FBN3: variants seen among roughly 807,000 people sequenced by gnomAD.
The protein encoded by FBN3 is fibrillin 3.
A neutral mutation model predicts 330.1 loss-of-function variants in FBN3; 234 were observed. The ratio of observed to expected loss-of-function variants is 0.71; its 90% CI spans 0.64 to 0.79. The LOEUF (loss-of-function observed/expected upper bound fraction) is 0.79. Ranked by LOEUF, FBN3 falls within the 30% of genes least tolerant of loss-of-function variation. The pLI is 0.00. For missense variants in FBN3, 3,606 were observed against 3,886.9 expected, an observed-to-expected ratio of 0.93 and a Z score of 1.92; for synonymous variants, 1,458 against 1,517.3, an observed-to-expected ratio of 0.96 and a Z score of 0.91.
intron 54 of FBN3, among the ~76,000 whole-genome samples, chr19:8,086,812 C>T (rs538726695): frequency 3.7e-4 from 56 of 150,862 alleles, no homozygotes; most frequent in Admixed American, 4.6e-4. Flanking sequence ...CTCACTCTGT[C>T]GTCCAGGCTG....
chr19:8,113,437 A>T (rs867474146), intron 30 of FBN3, among the ~76,000 whole-genome samples: 4 of 152,052 alleles, frequency 2.6e-5, no homozygotes, highest in South Asian at 4.1e-4. Flanking sequence ...GCTATTTTTT[A>T]AAATTTTTAT....
chr19:8,106,293 C>A, intron 37 of FBN3, 60 bp from the exon 38 acceptor site: 1 of 1,592,534 alleles, frequency 6.3e-7, no homozygotes, highest in Non-Finnish European at 8.6e-7. Context: ...ACTTAAGGGG[C>A]ACCCACACCA....
chr19:8,106,569 G>A (rs1183834897), intron 37 of FBN3, among the ~76,000 whole-genome samples: 1 of 152,226 alleles, frequency 6.6e-6, no homozygotes, highest in East Asian at 1.9e-4. Flanking sequence ...ATGGATGGGA[G>A]GATGGATGAA....
Position 8,133,108 on chromosome 19 carries a change from TG to T in FBN3, c.1592-3del. 1.3e-6 allele frequency: 2 copies of T among 1,571,172 alleles called. No homozygotes were observed. The highest frequency in any genetic ancestry group is 1.2e-5 in the South Asian group (1 of 85,652). On this transcript the variant is annotated splice_region_variant and splice_polypyrimidine_tract_variant and intron_variant, in intron 13 of 63. Coordinates refer to ENST00000600128, the MANE Select transcript of FBN3 (RefSeq NM_032447.5). Reference sequence around the variant, plus strand: ...TGCTGGTGGCACACTCGTTGTGGTCTGGGGACAACAGCAGAGGCTGGGTCCA... The same window carrying T: ...TGCTGGTGGCACACTCGTTGTGGTCTGGGACAACAGCAGAGGCTGGGTCCA...
Position 8,095,441 on chromosome 19 carries a change from C to T in FBN3, c.5719G>A (p.Ala1907Thr). 6.2e-7 allele frequency: 1 copy of T among 1,613,750 alleles called. No homozygotes were observed. The highest frequency in any genetic ancestry group is 8.5e-7 in the Non-Finnish European group (1 of 1,179,784). The change falls in exon 46 of 64, where the codon GCT becomes ACT. Residue 1907 changes from alanine (A) to threonine (T), a missense_variant. By Grantham distance (58) the Ala-to-Thr change is moderately conservative (BLOSUM62 0). Coordinates refer to ENST00000600128, the MANE Select transcript of FBN3 (RefSeq NM_032447.5). ...VCRFGHCLNT[A>T]GSFHCLCQDG... is the part of the protein sequence containing the mutation. ...TGGCAGAGGCAGTGGAAGGAACCAG[C>T]TGTGTTGAGGCAATGGCCAAATCGG...
chr19:8,084,489 T>G (rs1009494653), intron 56 of FBN3, among the ~76,000 whole-genome samples: 3 of 151,752 alleles, frequency 2.0e-5, no homozygotes, highest in East Asian at 2.0e-4. Context: ...CTGGCCAGCA[T>G]GGCAAAACCT....
intron 59 of FBN3, among the ~76,000 whole-genome samples, chr19:8,079,745 A>G (rs2081731375): frequency 6.6e-6 from 1 of 151,900 alleles, no homozygotes; most frequent in Non-Finnish European, 1.5e-5. Context: ...CGCCACCACC[A>G]CACCCGGCTA....
intron 42 of FBN3, 85 bp downstream of exon 42, chr19:8,097,204 G>C (rs2082229530): frequency 2.0e-6 from 3 of 1,527,470 alleles, no homozygotes; most frequent in East Asian, 2.4e-5. Flanking sequence ...GAGGCTTACA[G>C]AGTTTTAGTT....
rs753370609 is a variant in FBN3, at chr19:8,123,937, G to A, written c.2803C>T (p.Arg935Trp). The A allele has an allele frequency of 1.2e-5, 20 of 1,614,112 alleles. No homozygotes were observed. The highest frequency in any genetic ancestry group is 2.7e-5 in the African/African-American group (2 of 75,046). ...ECGVTLPGKY[R>W]MDVCCCSIGA... ...ATGGAGCAGCAGCAGACGTCCATCC[G>A]GTACTTGCCAGGCAGGGTGACCCCA... is the stretch of plus-strand genomic sequence containing the variant. Residue 935 changes from arginine to tryptophan, a missense_variant, in exon 23 of 64, where the codon CGG (arginine) becomes TGG (tryptophan). By Grantham distance (101) the Arg-to-Trp change is moderately radical (BLOSUM62 -3). Transcript: ENST00000600128.
intron 63 of FBN3, among the ~76,000 whole-genome samples, chr19:8,071,467 C>A (rs1485948509): frequency 6.6e-6 from 1 of 152,184 alleles, no homozygotes; most frequent in East Asian, 1.9e-4. Flanking sequence ...CTGCTGGGGT[C>A]CCCAGAGAAA....
At chr19:8,112,223 A>G (rs2082605847) in intron 30 of FBN3, 124 bp from the exon 31 acceptor site, 9 of 1,001,068 alleles carry the variant, frequency 9.0e-6, no homozygotes, top group African/African-American at 1.6e-5. Context: ...GCCTCCTCCC[A>G]TTCACCTGGG....
In FBN3 at chr19:8,096,534, T is replaced by C; in HGVS notation, c.5449A>G (p.Ser1817Gly). ...TCTGTGTCCATGCAGTCACCATGGC[T>C]ACAGACATTCGGGATCTCCCGACAC... ...NECREIPNVC[S>G]HGDCMDTEGS... The change falls in exon 44 of 64, where the codon AGC (serine) becomes GGC (glycine). Residue 1817 changes from serine (S) to glycine (G), a missense_variant. Coordinates refer to ENST00000600128, the MANE Select transcript of FBN3 (RefSeq NM_032447.5). The surrounding 1 kb of genome is among the most constrained non-coding windows in gnomAD (Gnocchi z 4.6). 3 of 1,613,772 alleles carry C rather than the reference T, an allele frequency of 1.9e-6. No individual in the cohort carries two copies. Among genetic ancestry groups the C allele is most frequent in the Non-Finnish European group, 2.5e-6 (3 of 1,179,920 alleles).
Position 8,089,974 on chromosome 19 carries a change from G to C in FBN3, c.6185-15C>G. ...CTGAAAGGCAGCTGGACGGAGAGGG[G>C]GAGGGGAGTCAGAGTCAGGGCCTAG... On this transcript the variant is annotated splice_polypyrimidine_tract_variant and intron_variant, in intron 49 of 63. Transcript: ENST00000600128. 6.2e-7 allele frequency: 1 copy of C among 1,608,616 alleles called. No individual in the cohort carries two copies. Among genetic ancestry groups the C allele is most frequent in the Non-Finnish European group, 8.5e-7 (1 of 1,178,718 alleles).
In FBN3 at chr19:8,073,312, G is replaced by C; in HGVS notation, c.7703-15C>G. ...CTCATTCTCATCTGTGGGAGGAAAG[G>C]AGGAGGAGAGGGAGGACGCAGAGGT... On this transcript the variant is annotated splice_polypyrimidine_tract_variant and intron_variant, in intron 61 of 63. Transcript: ENST00000600128. 1.9e-6 allele frequency: 3 copies of C among 1,603,806 alleles called. No individual in the cohort carries two copies. The highest frequency in any genetic ancestry group is 2.6e-6 in the Non-Finnish European group (3 of 1,172,144).
intron 42 of FBN3, 34 bp downstream of exon 42, chr19:8,097,255 A>G (rs1480367571): frequency 6.3e-7 from 1 of 1,586,298 alleles, no homozygotes; most frequent in Non-Finnish European, 8.6e-7. Flanking sequence ...CATCCCACCC[A>G]GGCCCCAGGG....
chr19:8,137,600 G>A (rs1006982241), intron 10 of FBN3, among the ~76,000 whole-genome samples: 8 of 131,584 alleles, frequency 6.1e-5, no homozygotes, highest in East Asian at 4.8e-4. Flanking sequence ...CCCAAAGCCC[G>A]AACTCTGACT....
rs764445618 is a variant in FBN3 at position 8,111,043 on chromosome 19, C to A, written c.4210+15G>T. 5.0e-6 allele frequency: 8 copies of A among 1,613,118 alleles called. No homozygotes were observed. Among genetic ancestry groups the A allele is most frequent in the East Asian group, 4.5e-5 (2 of 44,870 alleles). ...CTACCCACTCTGTCCTCTGCCCTGG[C>A]GGGCCCAACCTTACCCTGGCAGGCC... On this transcript the variant is annotated intron_variant, in intron 33 of 63. Coordinates refer to ENST00000600128, the MANE Select transcript of FBN3 (RefSeq NM_032447.5).
intron 18 of FBN3, among the ~76,000 whole-genome samples, chr19:8,128,782 T>A (rs1184396843): frequency 1.3e-5 from 2 of 152,136 alleles, no homozygotes; most frequent in Non-Finnish European, 2.9e-5. Context: ...TGTCTGAGTG[T>A]GGTTGTGTAC....
At position 8,126,843 on chromosome 19, in the gene FBN3, A is replaced by G; in HGVS notation, c.2297-11T>C. On this transcript the variant is annotated splice_polypyrimidine_tract_variant and intron_variant, in intron 18 of 63. Transcript: ENST00000600128. ...GGCATTCGTCGACATCTGTGGGGAC[A>G]GCCCCCCACCAGGTCCTGAGCTGCA... The G allele has an allele frequency of 1.9e-6, 3 of 1,540,802 alleles. No homozygotes were observed. Among genetic ancestry groups the G allele is most frequent in the Non-Finnish European group, 2.6e-6 (3 of 1,146,434 alleles).
Sources: gnomAD v4.1 joint callset for allele counts (sites outside exome capture counted in the v4.1 genomes callset) on GRCh38, gnomAD v4.1.1 for gene constraint, Gnocchi (gnomAD v3.1) non-coding constraint, MANE v1.5 for transcripts, NCBI Gene and HGNC (gene_info 2026-07-23, HGNC 2026-07-21) for gene names.